SPAG16: variants seen among roughly 807,000 people sequenced by gnomAD.
SPAG16 encodes sperm-associated antigen 16 protein.
In SPAG16, 86 loss-of-function variants were observed where a neutral mutation model predicts 80.4. The ratio of observed to expected loss-of-function variants is 1.07; its 90% CI spans 0.90 to 1.28. The LOEUF is 1.28. Among genes scored for constraint, SPAG16 ranks in the 50% most tolerant of loss-of-function variants. The pLI is 0.00. For synonymous variants in SPAG16, 294 were observed against 265.9 expected (o/e 1.11, Z -1.03); for missense variants, 870 against 765.3 (o/e 1.14, Z -1.61).
At position 213,859,045 on chromosome 2, in the gene SPAG16, G is replaced by C. The variant is rs2075297073; in HGVS notation, c.1071-3440G>C. Among the ~76,000 whole-genome samples, 3 of 151,152 alleles carry C rather than the reference G, an allele frequency of 2.0e-5. 1 individual carries two copies. Among genetic ancestry groups the C allele is most frequent in the Admixed American group, 2.0e-4 (3 of 15,158 alleles). On this transcript the variant is annotated intron_variant, in intron 10 of 15. Transcript: ENST00000331683. ...AATACAAACATTAGCCAGACATGGT[G>C]GCACGCACCTGTAATCCCAGCTACT...
intron 10 of SPAG16, among the ~76,000 whole-genome samples, chr2:213,716,372 T>C (rs1305072553): frequency 2.0e-5 from 3 of 152,176 alleles, no homozygotes; most frequent in Non-Finnish European, 4.4e-5. Context: ...CAGAAGTGCA[T>C]ACTGTAAACA....
At chr2:214,041,968 GT>G (rs2049035444) in intron 13 of SPAG16, among the ~76,000 whole-genome samples, 1 of 71,498 alleles carries the variant, frequency 1.4e-5, no homozygotes, top group African/African-American at 4.4e-5. Flanking sequence ...ATATTTGTGT[GT>G]CTGTGTGTGT....
intron 9 of SPAG16, among the ~76,000 whole-genome samples, chr2:213,408,955 T>G (rs1242248937): frequency 6.6e-6 from 1 of 152,164 alleles, no homozygotes; most frequent in Non-Finnish European, 1.5e-5. Context: ...TTATCCTAAC[T>G]TTTAATCTTG....
At chr2:213,968,450 C>G (rs756364760) in intron 12 of SPAG16, among the ~76,000 whole-genome samples, 1 of 152,164 alleles carries the variant, frequency 6.6e-6, no homozygotes, top group Non-Finnish European at 1.5e-5. Context: ...ACCTTGGCCT[C>G]CCAAAGTGCT....
At chr2:213,924,255 T>C (rs1334520047) in intron 11 of SPAG16, among the ~76,000 whole-genome samples, 1 of 152,228 alleles carries the variant, frequency 6.6e-6, no homozygotes, top group East Asian at 1.9e-4. Context: ...GCAAAATGTC[T>C]GGATGGCTCT....
intron 15 of SPAG16, among the ~76,000 whole-genome samples, chr2:214,284,544 C>T (rs1031246719): frequency 1.3e-5 from 2 of 152,146 alleles, no homozygotes; most frequent in African/African-American, 2.4e-5. Context: ...GTAGGAGACC[C>T]TCAGGAGCAC....
intron 15 of SPAG16, among the ~76,000 whole-genome samples, chr2:214,225,795 A>C (rs2058685582): frequency 6.6e-6 from 1 of 152,150 alleles, no homozygotes; most frequent in Non-Finnish European, 1.5e-5. Flanking sequence ...ATATATGTGG[A>C]TGTTTGTTTC....
Position 213,457,782 on chromosome 2 carries a change from G to A in SPAG16, c.943-32181G>A, listed in dbSNP as rs77988764. 1.7e-3 allele frequency among the ~76,000 whole-genome samples: 257 copies of A among 152,002 alleles called. 1 individual carries two copies. The highest frequency in any genetic ancestry group is 1.8e-3 in the Admixed American group (27 of 15,282). On this transcript the variant is annotated intron_variant, in intron 9 of 15. Coordinates refer to ENST00000331683, the MANE Select transcript of SPAG16 (RefSeq NM_024532.5). ...TTCTGTCTGACAGCATACTTATTTTGATTAGAACATTTAGTATACTTACAT... is the reference window on the plus strand; with the variant it reads ...TTCTGTCTGACAGCATACTTATTTTAATTAGAACATTTAGTATACTTACAT...
chr2:213,994,319 A>T (rs1403277320), intron 12 of SPAG16, among the ~76,000 whole-genome samples: 5 of 152,176 alleles, frequency 3.3e-5, no homozygotes, highest in Admixed American at 2.6e-4. Flanking sequence ...GAAATGTTAA[A>T]TGAATTACCA....
intron 15 of SPAG16, among the ~76,000 whole-genome samples, chr2:214,331,354 T>G (rs975889970): frequency 3.9e-5 from 6 of 152,192 alleles, no homozygotes; most frequent in African/African-American, 1.4e-4. Context: ...CCTCTGCTTT[T>G]CTTCTGGGCC....
Position 214,122,113 on chromosome 2 carries a change from A to AT in SPAG16, c.1593+13856dup, listed in dbSNP as rs199735132. Among the ~76,000 whole-genome samples, 520 of 151,856 alleles carry AT rather than the reference A, an allele frequency of 3.4e-3. 3 individuals are homozygous for AT. The highest frequency in any genetic ancestry group is 0.017 in the Middle Eastern group (5 of 286). ...TAAATTCCTTATAGTCTATAATTTA[A>AT]TTTTCTATAACATAATAGTAGTGTA... On this transcript the variant is annotated intron_variant, in intron 14 of 15. Coordinates refer to ENST00000331683, the MANE Select transcript of SPAG16 (RefSeq NM_024532.5).
At chr2:213,366,467 G>A (rs1403676365) in intron 8 of SPAG16, among the ~76,000 whole-genome samples, 1 of 152,102 alleles carries the variant, frequency 6.6e-6, no homozygotes, top group Non-Finnish European at 1.5e-5. Flanking sequence ...TAGCTGGGGA[G>A]GCCTCACAAT....
intron 9 of SPAG16, among the ~76,000 whole-genome samples, chr2:213,424,780 C>T (rs372485144): frequency 6.6e-6 from 1 of 152,140 alleles, no homozygotes; most frequent in Non-Finnish European, 1.5e-5. Flanking sequence ...CTTTGAGAAT[C>T]CAGAATTTTA....
At chr2:213,675,600 A>G (rs1221713365) in intron 10 of SPAG16, among the ~76,000 whole-genome samples, 2 of 152,216 alleles carry the variant, frequency 1.3e-5, no homozygotes, top group African/African-American at 2.4e-5. Flanking sequence ...AGCTTTCTAC[A>G]TATGGCCAGC....
chr2:214,201,296 A>C (rs979296677), intron 15 of SPAG16, among the ~76,000 whole-genome samples: 2 of 152,202 alleles, frequency 1.3e-5, no homozygotes, highest in Admixed American at 1.3e-4. Flanking sequence ...CTAAGTGAAA[A>C]TATTTAAATA....
At chr2:213,624,802 T>G (rs2061904488) in intron 10 of SPAG16, among the ~76,000 whole-genome samples, 1 of 152,148 alleles carries the variant, frequency 6.6e-6, no homozygotes, top group African/African-American at 2.4e-5. Flanking sequence ...AGGTTTTTGT[T>G]TTTTTTGAGA....
intron 15 of SPAG16, among the ~76,000 whole-genome samples, chr2:214,355,133 AC>A (rs2126058052): frequency 6.6e-6 from 1 of 151,422 alleles, no homozygotes; most frequent in South Asian, 2.1e-4. Flanking sequence ...TGTCTAAAAC[AC>A]CAAAAGCAAT....
intron 10 of SPAG16, among the ~76,000 whole-genome samples, chr2:213,579,282 A>T (rs1440391648): frequency 1.3e-5 from 2 of 152,134 alleles, no homozygotes; most frequent in Non-Finnish European, 2.9e-5. Context: ...ATGGGGCTTG[A>T]TTCCAAAGGG....
chr2:214,184,235 G>A (rs947411183), intron 15 of SPAG16, among the ~76,000 whole-genome samples: 1 of 151,412 alleles, frequency 6.6e-6, no homozygotes, highest in Non-Finnish European at 1.5e-5. Flanking sequence ...CATAATTCTT[G>A]GTATACCATT....
Sources: allele counts gnomAD v4.1 joint callset (sites outside exome capture counted in the v4.1 genomes callset), GRCh38; gene constraint gnomAD v4.1.1; transcripts MANE v1.5; gene names NCBI Gene and HGNC (gene_info 2026-07-23, HGNC 2026-07-21).